Variants in INMT observed in about 807,000 individuals in gnomAD.
INMT encodes the protein amine N-methyltransferase.
In INMT, 11 loss-of-function variants were observed where a neutral mutation model predicts 11.5. That is an observed-to-expected ratio of 0.95 (90% CI 0.60 to 1.58). The LOEUF is 1.58. INMT is among the 40% of genes most tolerant of loss of function. The probability of loss-of-function intolerance (pLI) is 0.00; values close to 1 mark genes in which losing one functional copy is unlikely to be tolerated. For synonymous variants in INMT, 155 were observed against 142.9 expected, an observed-to-expected ratio of 1.08 and a Z score of -0.60; for missense variants, 316 against 336.1, an observed-to-expected ratio of 0.94 and a Z score of 0.47.
At chr7:30,752,813 C>A (rs1216053731) in intron 1 of INMT, among the ~76,000 whole-genome samples, 1 of 152,182 alleles carries the variant, frequency 6.6e-6, no homozygotes, top group Non-Finnish European at 1.5e-5. Context: ...ACCCCAAGGA[C>A]CTCAACTGAG....
chr7:30,753,822 T>G lies in INMT; in HGVS notation c.246T>G (p.Thr82=), dbSNP rs748071560. Residue 82 remains threonine (T), a synonymous_variant, in exon 2 of 3, where the codon ACT becomes ACG. Coordinates refer to ENST00000013222, the MANE Select transcript of INMT (RefSeq NM_006774.5). ...LAACDSFQDI[T]LSDFTDRNRE... ...CCTGTGATTCCTTCCAAGACATCAC[T>G]CTCTCCGACTTTACCGACCGCAACC... 1.2e-6 allele frequency: 2 copies of G among 1,614,060 alleles called. No individual in the cohort carries two copies. Among genetic ancestry groups the G allele is most frequent in the African/African-American group, 2.7e-5 (2 of 74,930 alleles).
chr7:30,755,453 C>G lies in INMT; in HGVS notation c.394C>G (p.Arg132Gly). 1 of 1,598,898 alleles carries G rather than the reference C, an allele frequency of 6.3e-7. No individual in the cohort carries two copies. The highest frequency in any genetic ancestry group is 1.1e-5 in the South Asian group (1 of 90,822). Residue 132 changes from arginine to glycine, a missense_variant, in exon 3 of 3, where the codon CGG (arginine) becomes GGG (glycine). By Grantham distance (125) the Arg-to-Gly change is moderately radical. Transcript: ENST00000013222. ...GRWEEKEEKL[R>G]AAVKRVLKCD... ...ATGGGAGGAGAAGGAGGAGAAGCTG[C>G]GGGCAGCGGTGAAGCGGGTGCTCAA... is the stretch of plus-strand genomic sequence containing the variant.
In INMT at chr7:30,756,415, T is replaced by TTATTTTA; in HGVS notation, c.*565_*566insATTTTAT. 1 of 154,660 alleles carries TTATTTTA rather than the reference T, an allele frequency of 6.5e-6. No homozygotes were observed. Among genetic ancestry groups the TTATTTTA allele is most frequent in the African/African-American group, 2.6e-5 (1 of 38,996 alleles). 9.6% of individuals were successfully genotyped at this position (154,660 alleles called of 1,614,324 possible). On this transcript the variant is annotated 3_prime_UTR_variant, in exon 3 of 3. Transcript: ENST00000013222. The stretch of plus-strand genomic sequence containing the variant: ...CACACCCAGCTAATTTTTTTTTTTT[T>TTATTTTA]TTTTTTATTTGAGACGGAGTTTCGC...
chr7:30,753,992 G>A (rs1786161318), intron 2 of INMT, 54 bp downstream of exon 2: 1 of 1,566,486 alleles, frequency 6.4e-7, no homozygotes, highest in African/African-American at 1.4e-5. Flanking sequence ...TTTCTCAGAA[G>A]TCTCCCTGGC....
In INMT at chr7:30,756,402, A is replaced by ATTTTTTTTTTTTTATT. The variant is rs1786248207; in HGVS notation, c.*564_*565insATTTTTTTTTTTTTTT. ...AGGAGCTCGCCACCACACCCAGCTA[A>ATTTTTTTTTTTTTATT]TTTTTTTTTTTTTTTTTTTATTTGA... On this transcript the variant is annotated 3_prime_UTR_variant, in exon 3 of 3. Coordinates refer to ENST00000013222, the MANE Select transcript of INMT (RefSeq NM_006774.5). The ATTTTTTTTTTTTTATT allele has an allele frequency of 7.3e-5, 7 of 95,636 alleles. No homozygotes were observed. Among genetic ancestry groups the ATTTTTTTTTTTTTATT allele is most frequent in the African/African-American group, 3.1e-4 (7 of 22,344 alleles). The allele number at this position is 95,636 out of a possible 1,614,324, so 5.9% of individuals were successfully genotyped here.
At position 30,752,175 on chromosome 7, in the gene INMT, G is replaced by A. The variant is rs1584193709; in HGVS notation, c.25G>A (p.Asp9Asn). 1 of 1,614,048 alleles carries A rather than the reference G, an allele frequency of 6.2e-7. No homozygotes were observed. Among genetic ancestry groups the A allele is most frequent in the Non-Finnish European group, 8.5e-7 (1 of 1,179,940 alleles). The change falls in exon 1 of 3, where the codon GAT becomes AAT. Residue 9 changes from aspartate to asparagine, a missense_variant. Physicochemically the swap from Asp to Asn is conservative, Grantham distance 23. Transcript: ENST00000013222. MKGGFTGG[D>N]EYQKHFLPRD... Reference sequence around the variant, plus strand: ...CATGAAGGGTGGCTTCACTGGGGGTGATGAGTACCAGAAGCACTTCCTGCC... The same window carrying A: ...CATGAAGGGTGGCTTCACTGGGGGTAATGAGTACCAGAAGCACTTCCTGCC...
chr7:30,753,709 T>G, intron 1 of INMT, 22 bp from the exon 2 acceptor site: 1 of 1,608,864 alleles, frequency 6.2e-7, no homozygotes, highest in Non-Finnish European at 8.5e-7. Flanking sequence ...ACCCATCCAT[T>G]ACCAGTCTTT....
chr7:30,755,839 G>C lies in INMT; in HGVS notation c.780G>C (p.Lys260Asn). 1 of 1,607,790 alleles carries C rather than the reference G, an allele frequency of 6.2e-7. No homozygotes were observed. The highest frequency in any genetic ancestry group is 8.5e-7 in the Non-Finnish European group (1 of 1,175,880). ...TCTGCTTCATTGTGGCTCGCAAGAA[G>C]CCTGGGCCCTGAGCCAGGAGGGCCA... ...NGVCFIVARK[K>N]PGP is the part of the protein sequence containing the mutation. Residue 260 changes from lysine (K) to asparagine (N), a missense_variant, in exon 3 of 3, where the codon AAG becomes AAC. Physicochemically the swap from Lys to Asn is moderately conservative, Grantham distance 94. Coordinates refer to ENST00000013222, the MANE Select transcript of INMT (RefSeq NM_006774.5).
chr7:30,753,963 G>C, intron 2 of INMT, 25 bp downstream of exon 2: 1 of 1,607,010 alleles, frequency 6.2e-7, no homozygotes, highest in Non-Finnish European at 8.5e-7. Context: ...GTTGGGGAGG[G>C]GGTTCCCAGT....
At chr7:30,753,690 G>A (rs1210772455) in intron 1 of INMT, 41 bp from the exon 2 acceptor site, 13 of 1,580,216 alleles carry the variant, frequency 8.2e-6, no homozygotes, top group East Asian at 2.2e-5. Flanking sequence ...CTTGGGTCTC[G>A]TTTCTTTTAC....
intron 2 of INMT, among the ~76,000 whole-genome samples, chr7:30,755,085 C>T (rs1327324957): frequency 6.6e-6 from 1 of 152,098 alleles, no homozygotes; most frequent in Non-Finnish European, 1.5e-5. Context: ...GTAGTAAATT[C>T]ATTAATTCAT....
chr7:30,755,134 C>T (rs1447828359), intron 2 of INMT, among the ~76,000 whole-genome samples: 1 of 152,186 alleles, frequency 6.6e-6, no homozygotes, highest in Non-Finnish European at 1.5e-5. Flanking sequence ...ACTGCCCTCT[C>T]TGTGCTTGGG....
At position 30,754,053 on chromosome 7, in the gene INMT, AC is replaced by A; in HGVS notation, c.362+117del. The A allele has an allele frequency of 1.9e-6, 2 of 1,026,666 alleles. No homozygotes were observed. The highest frequency in any genetic ancestry group is 2.9e-6 in the Non-Finnish European group (2 of 695,284). 63.6% of individuals were successfully genotyped at this position (1,026,666 alleles called of 1,614,324 possible). A position where few individuals can be genotyped will look rare whatever the true frequency, so the allele number is the denominator to read the frequency against. On this transcript the variant is annotated intron_variant, in intron 2 of 2. Coordinates refer to ENST00000013222, the MANE Select transcript of INMT (RefSeq NM_006774.5). The surrounding 1 kb of genome is among the most constrained non-coding windows in gnomAD (Gnocchi z 4.9). ...GGACAGTAGGACCTTCAGGTATAGGACCAGATGTCCTGTGGTGGGGATAGAG... is the reference window on the plus strand; with the variant it reads ...GGACAGTAGGACCTTCAGGTATAGGACAGATGTCCTGTGGTGGGGATAGAG...
In INMT at chr7:30,755,477, A is replaced by G; in HGVS notation, c.418A>G (p.Lys140Glu). The G allele has an allele frequency of 1.2e-6, 2 of 1,602,018 alleles. No individual in the cohort carries two copies. The highest frequency in any genetic ancestry group is 1.7e-6 in the Non-Finnish European group (2 of 1,179,944). The part of the protein sequence containing the change: ...KLRAAVKRVL[K>E]CDVHLGNPLA... Reference sequence around the variant, plus strand: ...GCGGGCAGCGGTGAAGCGGGTGCTCAAGTGCGATGTCCACCTGGGCAACCC... The same window carrying G: ...GCGGGCAGCGGTGAAGCGGGTGCTCGAGTGCGATGTCCACCTGGGCAACCC... Residue 140 changes from lysine (K) to glutamate (E), a missense_variant, in exon 3 of 3, where the codon AAG (lysine) becomes GAG (glutamate). Physicochemically the swap from Lys to Glu is moderately conservative, Grantham distance 56 (BLOSUM62 1). Coordinates refer to ENST00000013222, the MANE Select transcript of INMT (RefSeq NM_006774.5).
In INMT at chr7:30,756,418, T is replaced by TTTTTTTTTTTTTTTTTA. The variant is rs1184039379; in HGVS notation, c.*570_*571insTTTTTTTTTTTTTATTT. The TTTTTTTTTTTTTTTTTA allele has an allele frequency of 3.2e-5, 5 of 156,040 alleles. No homozygotes were observed. The highest frequency in any genetic ancestry group is 1.3e-4 in the African/African-American group (5 of 39,558). The allele number at this position is 156,040 out of a possible 1,614,324, so 9.7% of individuals were successfully genotyped here. On this transcript the variant is annotated 3_prime_UTR_variant, in exon 3 of 3. Transcript: ENST00000013222. ...ACCCAGCTAATTTTTTTTTTTTTTT[T>TTTTTTTTTTTTTTTTTA]TTTATTTGAGACGGAGTTTCGCTCT...
At chr7:30,755,129 C>T (rs781159625) in intron 2 of INMT, among the ~76,000 whole-genome samples, 2 of 152,018 alleles carry the variant, frequency 1.3e-5, no homozygotes, top group Non-Finnish European at 2.9e-5. Flanking sequence ...TGTTAACTGC[C>T]CTCTCTGTGC....
chr7:30,757,359 G>T lies in INMT; in HGVS notation c.*1508G>T. 1 of 240,728 alleles carries T rather than the reference G, an allele frequency of 4.2e-6. No individual in the cohort carries two copies. Among genetic ancestry groups the T allele is most frequent in the South Asian group, 5.0e-5 (1 of 20,144 alleles). The allele number at this position is 240,728 out of a possible 1,614,324, so 14.9% of individuals were successfully genotyped here. ...GTGGGCACACTGGCGCCCAGTAAGA[G>T]AGAGAGAGAGCCAAAGCTGTCCGTT... On this transcript the variant is annotated 3_prime_UTR_variant, in exon 3 of 3. Coordinates refer to ENST00000013222, the MANE Select transcript of INMT (RefSeq NM_006774.5).
intron 2 of INMT, among the ~76,000 whole-genome samples, chr7:30,755,112 T>C (rs1273537318): frequency 1.3e-5 from 2 of 152,170 alleles, no homozygotes; most frequent in Non-Finnish European, 2.9e-5. Flanking sequence ...ATCCATCCAA[T>C]AATGTTTGTT....
rs1411952977 is a variant in INMT at position 30,754,580 on chromosome 7, C to G, written c.362+642C>G. On this transcript the variant is annotated intron_variant, in intron 2 of 2. Coordinates refer to ENST00000013222, the MANE Select transcript of INMT (RefSeq NM_006774.5). This position sits in a 1 kb window ranked among gnomAD's most constrained non-coding sequence, Gnocchi z 4.9. ...CCATCTATCCATCCATCCACCCATC[C>G]ATCCATATCCATCTATACATCCATC... 2.0e-5 allele frequency among the ~76,000 whole-genome samples: 3 copies of G among 151,468 alleles called. No homozygotes were observed. The highest frequency in any genetic ancestry group is 2.9e-5 in the Non-Finnish European group (2 of 67,864).
Sources: gnomAD v4.1 joint callset for allele counts (sites outside exome capture counted in the v4.1 genomes callset) on GRCh38, gnomAD v4.1.1 for gene constraint, Gnocchi (gnomAD v3.1) non-coding constraint, MANE v1.5 for transcripts, NCBI Gene and HGNC (gene_info 2026-07-23, HGNC 2026-07-21) for gene names.